The following NUP210 variants were observed in gnomAD, a reference collection of about 807,000 sequenced individuals.
The protein encoded by NUP210 is nucleoporin 210.
Under a neutral mutation model 196.0 loss-of-function variants are expected in NUP210, and 151 were observed. That is an observed-to-expected ratio of 0.77 (90% CI 0.67 to 0.88). The LOEUF is 0.88. Among genes scored for constraint, NUP210 ranks in the 40% least tolerant of loss-of-function variants. NUP210 has a pLI of 0.00. For synonymous variants in NUP210, 1,070 were observed against 1,052.7 expected, an observed-to-expected ratio of 1.02 and a Z score of -0.32; for missense variants, 2,314 against 2,493.7, an observed-to-expected ratio of 0.93 and a Z score of 1.53.
At chr3:13,356,793 T>A (rs901064182) in intron 16 of NUP210, among the ~76,000 whole-genome samples, 66 of 152,236 alleles carry the variant, frequency 4.3e-4, no homozygotes, top group Non-Finnish European at 6.9e-4. Flanking sequence ...ACATCTATGA[T>A]GTGCAAAGCC....
At position 13,347,625 on chromosome 3, in the gene NUP210, A is replaced by T. The variant is rs1422687907; in HGVS notation, c.2835+4254T>A. ...CCAAAGCCACACATTCCCGCAAGCC[A>T]TCCTTCCGTGCTGAATATGTATCAA... On this transcript the variant is annotated intron_variant, in intron 20 of 39. Coordinates refer to ENST00000254508, the MANE Select transcript of NUP210 (RefSeq NM_024923.4). This position sits in a 1 kb window ranked among gnomAD's most constrained non-coding sequence, Gnocchi z 4.7. Among the ~76,000 whole-genome samples, 3 of 152,084 alleles carry T rather than the reference A, an allele frequency of 2.0e-5. No individual in the cohort carries two copies. The highest frequency in any genetic ancestry group is 2.9e-5 in the Non-Finnish European group (2 of 68,008).
rs750759426 is a variant in NUP210 at position 13,375,633 on chromosome 3, C to A, written c.1302G>T (p.Gly434=). The A allele has an allele frequency of 1.9e-6, 3 of 1,613,502 alleles. No individual in the cohort carries two copies. The highest frequency in any genetic ancestry group is 1.7e-6 in the Non-Finnish European group (2 of 1,179,874). ...ACACAGGCACCTGTAGTATGTGGAC[C>A]CCTCCATCCTACAAGGGGTGAGGGT... ...ALTSVVDQDG[G]VHILQVPVWN... is the part of the protein sequence containing the mutation. Residue 434 remains glycine (G), a synonymous_variant, in exon 11 of 40, where the codon GGG becomes GGT. Transcript: ENST00000254508.
At chr3:13,354,248 A>G (rs1698089919) in intron 16 of NUP210, 141 bp from the exon 17 acceptor site, 1 of 712,344 alleles carries the variant, frequency 1.4e-6, no homozygotes, top group Non-Finnish European at 2.3e-6. Flanking sequence ...CCAGAAAGCA[A>G]TCCTCACTAT....
chr3:13,377,062 G>A lies in NUP210; in HGVS notation c.1152+394C>T, dbSNP rs1296903513. Among the ~76,000 whole-genome samples the A allele has an allele frequency of 7.2e-5, 11 of 152,312 alleles. No individual in the cohort carries two copies. In the South Asian group the frequency reaches 1.9e-3, roughly 26 times the overall value. On this transcript the variant is annotated intron_variant, in intron 9 of 39. Coordinates refer to ENST00000254508, the MANE Select transcript of NUP210 (RefSeq NM_024923.4). ...TCCAGGTATTTCTGGAACCCAGTAC[G>A]GAGAAAGCCAGGACGTGCTCCGTGA... is the stretch of plus-strand genomic sequence containing the variant.
intron 30 of NUP210, 33 bp downstream of exon 30, chr3:13,330,427 A>C (rs1696947503): frequency 6.2e-7 from 1 of 1,604,226 alleles, no homozygotes; most frequent in African/African-American, 1.3e-5. Context: ...TATTGCTTTC[A>C]TTACTCCAAA....
chr3:13,387,822 T>C (rs1222928566), intron 5 of NUP210, among the ~76,000 whole-genome samples: 1 of 151,998 alleles, frequency 6.6e-6, no homozygotes, highest in African/African-American at 2.4e-5. Context: ...CAGGAAGACA[T>C]GGGATCGGCT....
chr3:13,384,660 A>G (rs1221145469), intron 6 of NUP210, among the ~76,000 whole-genome samples: 3 of 152,280 alleles, frequency 2.0e-5, no homozygotes, highest in African/African-American at 7.2e-5. Context: ...TGCTGTCAGC[A>G]GTGACTAGGC....
intron 12 of NUP210, among the ~76,000 whole-genome samples, chr3:13,373,332 G>A (rs535900878): frequency 5.9e-5 from 9 of 152,254 alleles, no homozygotes; most frequent in Non-Finnish European, 1.2e-4. Context: ...TGAGTGAAGA[G>A]AGAGGAGTCT....
In NUP210 at chr3:13,376,352, A is replaced by C. The variant is rs1221279466; in HGVS notation, c.1232T>G (p.Ile411Ser). The C allele has an allele frequency of 1.9e-6, 3 of 1,614,106 alleles. No homozygotes were observed. Among genetic ancestry groups the C allele is most frequent in the Non-Finnish European group, 2.5e-6 (3 of 1,180,032 alleles). Reference sequence around the variant, plus strand: ...CGTCTGTCCCCTCTTTAGTGCCCTGATGCGATGGTATGACCCATTCTGGGA... The same window carrying C: ...CGTCTGTCCCCTCTTTAGTGCCCTGCTGCGATGGTATGACCCATTCTGGGA... ...SSSQNGSYHR[I>S]RALKRGQTAI... Residue 411 changes from isoleucine to serine, a missense_variant, in exon 10 of 40, where the codon ATC (isoleucine) becomes AGC (serine). By Grantham distance (142) the Ile-to-Ser change is moderately radical. Coordinates refer to ENST00000254508, the MANE Select transcript of NUP210 (RefSeq NM_024923.4).
rs774024905 is a variant in NUP210 at position 13,342,084 on chromosome 3, G to A, written c.3004C>T (p.Leu1002=). 5 of 1,614,076 alleles carry A rather than the reference G, an allele frequency of 3.1e-6. No individual in the cohort carries two copies. The African/African-American group carries it at 6.7e-5, about 22-fold the overall frequency. The change falls in exon 22 of 40, where the codon CTG becomes TTG. Residue 1002 remains leucine, a synonymous_variant. Transcript: ENST00000254508. ...AGGAAGGGCTTCTTGTGCAAGTCCA[G>A]CACGCGGACGTATGCCTTCACTGTC... The part of the protein sequence containing the change: ...GKTVKAYVRV[L]DLHKKPFLAK...
At chr3:13,324,274 C>T (rs2124832558) in intron 33 of NUP210, among the ~76,000 whole-genome samples, 1 of 152,154 alleles carries the variant, frequency 6.6e-6, no homozygotes, top group African/African-American at 2.4e-5. Context: ...CCCAAGGCTT[C>T]CTGGCCCCTC....
rs1421198653 is a variant in NUP210 at position 13,332,280 on chromosome 3, C to G, written c.3935+13G>C. On this transcript the variant is annotated intron_variant, in intron 29 of 39. Coordinates refer to ENST00000254508, the MANE Select transcript of NUP210 (RefSeq NM_024923.4). ...CGCACAACTTTGCTGGAAACAAGAG[C>G]TGAGTCACGTACCTGTTTGTCTGCA... The G allele has an allele frequency of 6.2e-7, 1 of 1,607,400 alleles. No individual in the cohort carries two copies.
Position 13,372,024 on chromosome 3 carries a change from C to T in NUP210, c.1596G>A (p.Val532=). Residue 532 remains valine (V), a synonymous_variant, in exon 13 of 40, where the codon GTG becomes GTA. Coordinates refer to ENST00000254508, the MANE Select transcript of NUP210 (RefSeq NM_024923.4). ...PLHFGEMKVY[V]IEPHSMEFAP... The stretch of plus-strand genomic sequence containing the variant: ...CAAACTCCATGCTGTGGGGCTCGAT[C>T]ACATACACCTGGAAGACAGGGGCAT... 1.3e-6 allele frequency: 2 copies of T among 1,577,068 alleles called. No individual in the cohort carries two copies. Among genetic ancestry groups the T allele is most frequent in the East Asian group, 4.6e-5 (2 of 43,424 alleles).
chr3:13,350,466 A>ACAAAG lies in NUP210; in HGVS notation c.2835+1412_2835+1413insCTTTG. On this transcript the variant is annotated intron_variant, in intron 20 of 39. Coordinates refer to ENST00000254508, the MANE Select transcript of NUP210 (RefSeq NM_024923.4). This position sits in a 1 kb window ranked among gnomAD's most constrained non-coding sequence, Gnocchi z 4.1. ...ACAAAACAAAACAAAACAAAACAAA[A>ACAAAG]CAAAACAAAACAAAAAACAAAACAA... Among the ~76,000 whole-genome samples, 1 of 81,438 alleles carries ACAAAG rather than the reference A, an allele frequency of 1.2e-5. No individual in the cohort carries two copies. Among genetic ancestry groups the ACAAAG allele is most frequent in the South Asian group, 2.8e-4 (1 of 3,548 alleles). The allele number at this position is 81,438 out of a possible 152,430, so 53.4% of individuals were successfully genotyped here.
chr3:13,358,226 T>C lies in NUP210; in HGVS notation c.2324A>G (p.Gln775Arg). ...MSCPLLQQNK[Q>R]VVPVSSHRNP... The stretch of plus-strand genomic sequence containing the variant: ...CCGAGCATAGCCCACACTCACCACC[T>C]GCTTGTTCTGCTGCAGCAGCGGACA... Residue 775 changes from glutamine (Q) to arginine (R), a missense_variant, in exon 16 of 40, where the codon CAG (glutamine) becomes CGG (arginine). By Grantham distance (43) the Gln-to-Arg change is conservative. Coordinates refer to ENST00000254508, the MANE Select transcript of NUP210 (RefSeq NM_024923.4). The C allele has an allele frequency of 1.2e-6, 2 of 1,605,812 alleles. No homozygotes were observed. The highest frequency in any genetic ancestry group is 1.3e-5 in the African/African-American group (1 of 74,828).
chr3:13,388,347 C>G lies in NUP210; in HGVS notation c.640G>C (p.Gly214Arg). ...DTILVSGMKT[G>R]SSKLKARIQE... ...ATGCGAGCCTTGAGCTTGGAGCTCC[C>G]GGTCTTCATCCCAGACACCAGGATG... The change falls in exon 5 of 40, where the codon GGG becomes CGG. Residue 214 changes from glycine (G) to arginine (R), a missense_variant. By Grantham distance (125) the Gly-to-Arg change is moderately radical. Coordinates refer to ENST00000254508, the MANE Select transcript of NUP210 (RefSeq NM_024923.4). The G allele has an allele frequency of 6.2e-7, 1 of 1,612,846 alleles. No homozygotes were observed. Among genetic ancestry groups the G allele is most frequent in the Non-Finnish European group, 8.5e-7 (1 of 1,179,516 alleles).
chr3:13,387,994 G>A (rs1032803109), intron 5 of NUP210, among the ~76,000 whole-genome samples: 1 of 152,050 alleles, frequency 6.6e-6, no homozygotes, highest in Non-Finnish European at 1.5e-5. Flanking sequence ...CACGGTGGGG[G>A]CACCAGTTGG....
intron 14 of NUP210, 75 bp downstream of exon 14, chr3:13,365,871 G>T (rs1187344916): frequency 2.7e-6 from 4 of 1,501,842 alleles, no homozygotes; most frequent in Non-Finnish European, 3.7e-6. Context: ...ATGCAAATTC[G>T]TCAGAGCAAA....
chr3:13,340,639 T>C lies in NUP210; in HGVS notation c.3229-341A>G, dbSNP rs1260704619. ...GCAGCGGTTCTCAGTGTGTGGTCAC[T>C]AAGCAGCAATGTCAGCAGCGCCTGG... On this transcript the variant is annotated intron_variant, in intron 23 of 39. Coordinates refer to ENST00000254508, the MANE Select transcript of NUP210 (RefSeq NM_024923.4). This position sits in a 1 kb window ranked among gnomAD's most constrained non-coding sequence, Gnocchi z 4.0. 2.6e-5 allele frequency among the ~76,000 whole-genome samples: 4 copies of C among 152,138 alleles called. No homozygotes were observed. The highest frequency in any genetic ancestry group is 5.9e-5 in the Non-Finnish European group (4 of 68,014).
Sources: gnomAD v4.1 joint callset for allele counts (sites outside exome capture counted in the v4.1 genomes callset) on GRCh38, gnomAD v4.1.1 for gene constraint, Gnocchi (gnomAD v3.1) non-coding constraint, MANE v1.5 for transcripts, NCBI Gene and HGNC (gene_info 2026-07-23, HGNC 2026-07-21) for gene names.